The following BIK variants were observed in gnomAD, a reference collection of about 807,000 sequenced individuals.
The protein encoded by BIK is BCL2 interacting killer, also known as bcl-2-interacting killer.
BIK carries 14 observed loss-of-function variants against 12.1 expected under a neutral mutation model. That is an observed-to-expected ratio of 1.16 (90% CI 0.77 to 1.81). BIK has a LOEUF of 1.81. Ranked by LOEUF, BIK falls within the 40% of genes most tolerant of loss-of-function variation. The pLI, the probability that BIK is intolerant of heterozygous loss-of-function variation, is 0.00. For synonymous variants in BIK, 86 were observed against 92.3 expected, an observed-to-expected ratio of 0.93 and a Z score of 0.39; for missense variants, 215 against 207.9, an observed-to-expected ratio of 1.03 and a Z score of -0.21.
intron 1 of BIK, among the ~76,000 whole-genome samples, chr22:43,111,929 T>C (rs545127202): frequency 6.6e-6 from 1 of 152,286 alleles, no homozygotes; most frequent in South Asian, 2.1e-4. Flanking sequence ...CAGGGTTGTC[T>C]AGCTAGAAGC....
rs4988430 is a variant in BIK, at chr22:43,127,455, T to C, written c.162-242T>C. On this transcript the variant is annotated intron_variant, in intron 2 of 4. Transcript: ENST00000216115. The stretch of plus-strand genomic sequence containing the variant: ...CACAGGTGGGCCTGCCCCAGGATTC[T>C]TTTTGAAATAGCTTGCACCTCTGGG... 2.0e-3 allele frequency among the ~76,000 whole-genome samples: 309 copies of C among 152,328 alleles called. 5 individuals carry two copies. The highest frequency in any genetic ancestry group is 0.012 in the South Asian group (60 of 4,826).
Position 43,118,068 on chromosome 22 carries a change from G to A in BIK, c.-7-5948G>A, listed in dbSNP as rs112888801. 4.9e-3 allele frequency among the ~76,000 whole-genome samples: 744 copies of A among 152,276 alleles called. 6 individuals carry two copies. The highest frequency in any genetic ancestry group is 0.017 in the African/African-American group (709 of 41,550). ...GGCTGGTCTTGAACTGGGCTCGTGC[G>A]ACGTGCCCGCCTCGGCCTCCCGAAG... On this transcript the variant is annotated intron_variant, in intron 1 of 4. Transcript: ENST00000216115.
At chr22:43,122,656 C>G (rs878895863) in intron 1 of BIK, among the ~76,000 whole-genome samples, 2 of 152,152 alleles carry the variant, frequency 1.3e-5, no homozygotes, top group Admixed American at 1.3e-4. Context: ...CATGTACTGG[C>G]ATGGGATTCG....
chr22:43,116,999 G>A (rs1398707062), intron 1 of BIK, among the ~76,000 whole-genome samples: 1 of 152,172 alleles, frequency 6.6e-6, no homozygotes, highest in Non-Finnish European at 1.5e-5. Context: ...CTGCAGCTCA[G>A]GGTGACTCCC....
intron 3 of BIK, 138 bp downstream of exon 3, chr22:43,127,933 C>G (rs1427817005): frequency 2.3e-6 from 2 of 851,742 alleles, no homozygotes; most frequent in Non-Finnish European, 3.5e-6. Flanking sequence ...TATACTGAAA[C>G]CCTTGGCTGC....
intron 1 of BIK, among the ~76,000 whole-genome samples, chr22:43,112,268 G>A (rs951972914): frequency 6.6e-6 from 1 of 151,992 alleles, no homozygotes; most frequent in Non-Finnish European, 1.5e-5. Context: ...GCGCCGTCTC[G>A]GCTAACTGCA....
chr22:43,127,931 A>C, intron 3 of BIK, 136 bp downstream of exon 3: 2 of 862,628 alleles, frequency 2.3e-6, no homozygotes, highest in Non-Finnish European at 3.5e-6. Flanking sequence ...GCTATACTGA[A>C]ACCCTTGGCT....
chr22:43,121,186 A>G (rs1460893759), intron 1 of BIK, among the ~76,000 whole-genome samples: 1 of 152,094 alleles, frequency 6.6e-6, no homozygotes, highest in Non-Finnish European at 1.5e-5. Flanking sequence ...AAACAAACAA[A>G]CAAACAAACA....
At chr22:43,123,986 G>A (rs1418447744) in intron 1 of BIK, 30 bp from the exon 2 acceptor site, 1 of 1,611,730 alleles carries the variant, frequency 6.2e-7, no homozygotes, top group Admixed American at 1.7e-5. Context: ...GTTCTTAGGG[G>A]TCCAGTCATA....
At chr22:43,122,024 C>T (rs1281654139) in intron 1 of BIK, among the ~76,000 whole-genome samples, 2 of 152,244 alleles carry the variant, frequency 1.3e-5, no homozygotes, top group Non-Finnish European at 2.9e-5. Context: ...AGCCACCGCA[C>T]CCGGCCCATC....
intron 1 of BIK, among the ~76,000 whole-genome samples, chr22:43,117,858 G>A (rs1930148280): frequency 6.6e-6 from 1 of 151,098 alleles, no homozygotes; most frequent in Admixed American, 6.6e-5. Context: ...ACGGGGTAGA[G>A]ACGGAGTTTT....
rs565578995 is a variant in BIK, at chr22:43,128,530, G to A, written c.295G>A (p.Asp99Asn). Residue 99 changes from aspartate to asparagine, a missense_variant, in exon 4 of 5, where the codon GAC (aspartate) becomes AAC (asparagine). By Grantham distance (23) the Asp-to-Asn change is conservative. Coordinates refer to ENST00000216115, the MANE Select transcript of BIK (RefSeq NM_001197.5). ...GLAFIYDQTE[D>N]IRDVLRSFMD... Reference sequence around the variant, plus strand: ...GGCTTTCATCTACGACCAGACTGAGGACATCAGGGATGTTCTTAGAAGTTT... The same window carrying A: ...GGCTTTCATCTACGACCAGACTGAGAACATCAGGGATGTTCTTAGAAGTTT... The A allele has an allele frequency of 1.1e-5, 18 of 1,613,746 alleles. 1 individual carries two copies. In the South Asian group the frequency reaches 1.2e-4, roughly 11 times the overall value.
chr22:43,115,799 C>G (rs1468534720), intron 1 of BIK, among the ~76,000 whole-genome samples: 1 of 151,140 alleles, frequency 6.6e-6, no homozygotes, highest in Non-Finnish European at 1.5e-5. Context: ...CTCTGTTGCC[C>G]AGGTTAGAGT....
At chr22:43,111,165 G>A (rs1392237571) in intron 1 of BIK, among the ~76,000 whole-genome samples, 1 of 152,164 alleles carries the variant, frequency 6.6e-6, no homozygotes, top group Non-Finnish European at 1.5e-5. Context: ...CCGAACTCTG[G>A]GGTCGTGCGG....
intron 1 of BIK, among the ~76,000 whole-genome samples, chr22:43,117,496 G>A (rs966124032): frequency 6.6e-6 from 1 of 151,432 alleles, no homozygotes; most frequent in Non-Finnish European, 1.5e-5. Flanking sequence ...AGCCTCCCGA[G>A]TAGCTGGGAC....
intron 1 of BIK, among the ~76,000 whole-genome samples, chr22:43,122,546 C>T (rs1484974387): frequency 6.6e-6 from 1 of 152,136 alleles, no homozygotes; most frequent in Non-Finnish European, 1.5e-5. Flanking sequence ...TCGTCATTAT[C>T]GTCATCTACA....
chr22:43,129,215 G>T lies in BIK; in HGVS notation c.393G>T (p.Val131=). Residue 131 remains valine (V), a splice_region_variant and synonymous_variant, in exon 5 of 5, where the codon GTG becomes GTT. Transcript: ENST00000216115. ...ACTCCTCTGCTTTGCTCCCACAGGT[G>T]TCCTGCGAACAGGTGCTGCTGGCGC... is the stretch of plus-strand genomic sequence containing the variant. The part of the protein sequence containing the change: ...FWRSPNPGSW[V]SCEQVLLALL... The T allele has an allele frequency of 6.2e-7, 1 of 1,604,646 alleles. No individual in the cohort carries two copies. Among genetic ancestry groups the T allele is most frequent in the Non-Finnish European group, 8.5e-7 (1 of 1,179,856 alleles).
Position 43,124,194 on chromosome 22 carries a change from A to G in BIK, c.161+11A>G. 2 of 1,613,554 alleles carry G rather than the reference A, an allele frequency of 1.2e-6. No individual in the cohort carries two copies. The highest frequency in any genetic ancestry group is 1.7e-6 in the Non-Finnish European group (2 of 1,179,820). Reference sequence around the variant, plus strand: ...ATGCATGGAGGGCAGGTAGGTCCCCATGGCCTGCCCTACCCCCTGCCTGAT... The same window carrying G: ...ATGCATGGAGGGCAGGTAGGTCCCCGTGGCCTGCCCTACCCCCTGCCTGAT... On this transcript the variant is annotated intron_variant, in intron 2 of 4. Coordinates refer to ENST00000216115, the MANE Select transcript of BIK (RefSeq NM_001197.5).
At chr22:43,119,279 C>T (rs1397318437) in intron 1 of BIK, among the ~76,000 whole-genome samples, 1 of 151,958 alleles carries the variant, frequency 6.6e-6, no homozygotes, top group Non-Finnish European at 1.5e-5. Flanking sequence ...TTCAACTACT[C>T]ATTTGCAAGT....
Sources: allele counts gnomAD v4.1 joint callset (sites outside exome capture counted in the v4.1 genomes callset), GRCh38; gene constraint gnomAD v4.1.1; transcripts MANE v1.5; gene names NCBI Gene and HGNC (gene_info 2026-07-23, HGNC 2026-07-21).